Variants in GLS observed in about 807,000 individuals in gnomAD.
The protein encoded by GLS is glutaminase.
Under a neutral mutation model 86.7 loss-of-function variants are expected in GLS, and 36 were observed. The observed-to-expected ratio is 0.42, with a 90% confidence interval of 0.32 to 0.55. The LOEUF is 0.55. Among genes scored for constraint, GLS ranks in the 20% least tolerant of loss-of-function variants. The probability of loss-of-function intolerance (pLI) is 0.17; values close to 1 mark genes in which losing one functional copy is unlikely to be tolerated. For missense variants in GLS, 528 were observed against 833.4 expected, an observed-to-expected ratio of 0.63 and a Z score of 4.51; for synonymous variants, 317 against 305.9, an observed-to-expected ratio of 1.04 and a Z score of -0.38.
chr2:190,887,629 T>C (rs1688431029), intron 1 of GLS, among the ~76,000 whole-genome samples: 1 of 152,118 alleles, frequency 6.6e-6, no homozygotes, highest in Non-Finnish European at 1.5e-5. Flanking sequence ...TGGTAAACTT[T>C]CTGAAGAGCA....
rs1275429896 is a variant in GLS at position 190,938,374 on chromosome 2, G to A, written c.1650+6737G>A. On this transcript the variant is annotated intron_variant, in intron 14 of 17. Transcript: ENST00000320717. This position sits in a 1 kb window ranked among gnomAD's most constrained non-coding sequence, Gnocchi z 4.1. The stretch of plus-strand genomic sequence containing the variant: ...ATATAATGAAAATCTCCTCTGCACA[G>A]CAATTATATTTGGAATCCTGAGCTA... Among the ~76,000 whole-genome samples the A allele has an allele frequency of 6.6e-6, 1 of 151,408 alleles. No homozygotes were observed. Among genetic ancestry groups the A allele is most frequent in the African/African-American group, 2.4e-5 (1 of 41,358 alleles).
intron 1 of GLS, among the ~76,000 whole-genome samples, chr2:190,886,686 C>T (rs1188944700): frequency 1.3e-5 from 2 of 152,156 alleles, no homozygotes; most frequent in African/African-American, 2.4e-5. Context: ...GAGGCCAAAG[C>T]AGGTGGATCA....
intron 7 of GLS, among the ~76,000 whole-genome samples, chr2:190,916,543 G>T (rs756419431): frequency 2.0e-5 from 3 of 152,164 alleles, no homozygotes; most frequent in African/African-American, 4.8e-5. Flanking sequence ...TATCCTTGGG[G>T]TACATGGAGT....
At chr2:190,910,369 A>T in intron 7 of GLS, 48 bp downstream of exon 7, 1 of 889,614 alleles carries the variant, frequency 1.1e-6, no homozygotes, top group African/African-American at 1.7e-5. Context: ...TTTTTTTTTT[A>T]ACAGCTAAGG....
At chr2:190,925,917 A>C (rs1689881101) in intron 11 of GLS, among the ~76,000 whole-genome samples, 1 of 152,208 alleles carries the variant, frequency 6.6e-6, no homozygotes, top group African/African-American at 2.4e-5. Context: ...ATGATATGTG[A>C]AATTCCTTTG....
rs944906418 is a variant in GLS, at chr2:190,929,329, C to T, written c.1426-1108C>T. Reference sequence around the variant, plus strand: ...TAATTTGTTATATTTAAAAACAATACGTTTATCTTAGAACAATTAGAAAAT... The same window carrying T: ...TAATTTGTTATATTTAAAAACAATATGTTTATCTTAGAACAATTAGAAAAT... On this transcript the variant is annotated intron_variant, in intron 12 of 17. Transcript: ENST00000320717. 3.3e-5 allele frequency among the ~76,000 whole-genome samples: 5 copies of T among 151,794 alleles called. No individual in the cohort carries two copies. The East Asian group carries it at 5.8e-4, about 18-fold the overall frequency.
chr2:190,933,050 T>G, intron 14 of GLS: 1 of 1,072,902 alleles, frequency 9.3e-7, no homozygotes, highest in Non-Finnish European at 1.1e-6. Flanking sequence ...CATTTGTTGG[T>G]CTTTAAAAAG....
chr2:190,886,531 G>A (rs1360520597), intron 1 of GLS, among the ~76,000 whole-genome samples: 4 of 152,156 alleles, frequency 2.6e-5, no homozygotes, highest in Non-Finnish European at 5.9e-5. Flanking sequence ...AAAAGGGAGG[G>A]GGGGCACTAT....
intron 11 of GLS, among the ~76,000 whole-genome samples, chr2:190,925,239 C>T (rs999869605): frequency 6.6e-6 from 1 of 151,914 alleles, no homozygotes; most frequent in African/African-American, 2.4e-5. Context: ...TTTTTTAAAT[C>T]AGAGGGCTCT....
chr2:190,905,358 G>T lies in GLS; in HGVS notation c.979+191G>T. On this transcript the variant is annotated intron_variant, in intron 6 of 17. Coordinates refer to ENST00000320717, the MANE Select transcript of GLS (RefSeq NM_014905.5). The surrounding 1 kb of genome is among the most constrained non-coding windows in gnomAD (Gnocchi z 4.6). ...AGGCATCTCATACCACTGGGAAGTG[G>T]GCTAGGGAGAACATGAACTTCTCTC... 2.1e-6 allele frequency: 1 copy of T among 468,996 alleles called. No homozygotes were observed. The allele number at this position is 468,996 out of a possible 1,614,324, so 29.1% of individuals were successfully genotyped here.
At chr2:190,927,087 T>G (rs554233432) in intron 11 of GLS, 2 of 452,188 alleles carry the variant, frequency 4.4e-6, no homozygotes, top group South Asian at 3.4e-5. Flanking sequence ...GTTCTGCCAT[T>G]AAAAGACTGA....
At chr2:190,911,081 ATTTTAT>A (rs1030456526) in intron 7 of GLS, among the ~76,000 whole-genome samples, 2 of 150,896 alleles carry the variant, frequency 1.3e-5, no homozygotes, top group African/African-American at 4.8e-5. Flanking sequence ...CTAATTATAA[ATTTTAT>A]TTATATTTAA....
intron 14 of GLS, among the ~76,000 whole-genome samples, chr2:190,936,105 T>C (rs1690262108): frequency 6.6e-6 from 1 of 150,970 alleles, no homozygotes; most frequent in Admixed American, 6.6e-5. Context: ...TAATAAGGAG[T>C]TCCAGTATAA....
At chr2:190,957,736 C>G in intron 17 of GLS, among the ~76,000 whole-genome samples, 1 of 152,190 alleles carries the variant, frequency 6.6e-6, no homozygotes, top group Non-Finnish European at 1.5e-5. Context: ...TTGAACCAGC[C>G]TTGCATCCCA....
chr2:190,899,067 T>C (rs192603450), intron 3 of GLS, among the ~76,000 whole-genome samples: 318 of 152,380 alleles, frequency 2.1e-3, no homozygotes, highest in Middle Eastern at 0.01. Flanking sequence ...GTTGTAGATA[T>C]AAATACTGGT....
Position 190,924,479 on chromosome 2 carries a change from T to C in GLS, c.1198-64T>C, listed in dbSNP as rs562786777. The C allele has an allele frequency of 5.3e-5, 44 of 828,380 alleles. No homozygotes were observed. The highest frequency in any genetic ancestry group is 8.9e-5 in the Non-Finnish European group (42 of 470,548). 51.3% of individuals were successfully genotyped at this position (828,380 alleles called of 1,614,324 possible). Reference sequence around the variant, plus strand: ...TTGTGTACATTTGAAATTTTTCATATATTTCTCTACTTATGTGCATTCCTG... The same window carrying C: ...TTGTGTACATTTGAAATTTTTCATACATTTCTCTACTTATGTGCATTCCTG... On this transcript the variant is annotated intron_variant, in intron 10 of 17. Coordinates refer to ENST00000320717, the MANE Select transcript of GLS (RefSeq NM_014905.5). This position sits in a 1 kb window ranked among gnomAD's most constrained non-coding sequence, Gnocchi z 5.2.
At position 190,930,379 on chromosome 2, in the gene GLS, A is replaced by G. The variant is rs1345686833; in HGVS notation, c.1426-58A>G. On this transcript the variant is annotated intron_variant, in intron 12 of 17. Transcript: ENST00000320717. This position sits in a 1 kb window ranked among gnomAD's most constrained non-coding sequence, Gnocchi z 5.0. ...AGCCCCAGTTTCCCTATTGTTGAACATAACATTTCTTATTTTAAAATGTTT... is the reference window on the plus strand; with the variant it reads ...AGCCCCAGTTTCCCTATTGTTGAACGTAACATTTCTTATTTTAAAATGTTT... 1.5e-5 allele frequency: 20 copies of G among 1,320,614 alleles called. No homozygotes were observed. Among genetic ancestry groups the G allele is most frequent in the Non-Finnish European group, 2.0e-5 (18 of 916,354 alleles). 81.8% of individuals were successfully genotyped at this position (1,320,614 alleles called of 1,614,324 possible). A position where few individuals can be genotyped will look rare whatever the true frequency, so the allele number is the denominator to read the frequency against.
rs1442821812 is a variant in GLS, at chr2:190,953,159, A to AT, written c.1651-406_1651-405insT. Reference sequence around the variant, plus strand: ...GATAGTGATTCTTGGCAGGGATTAGACATTTATATAGCATGATTTAATTTT... The same window carrying AT: ...GATAGTGATTCTTGGCAGGGATTAGATCATTTATATAGCATGATTTAATTTT... On this transcript the variant is annotated intron_variant, in intron 14 of 17. Transcript: ENST00000320717. The surrounding 1 kb of genome is among the most constrained non-coding windows in gnomAD (Gnocchi z 4.0). Among the ~76,000 whole-genome samples, 1 of 152,230 alleles carries AT rather than the reference A, an allele frequency of 6.6e-6. No individual in the cohort carries two copies. The highest frequency in any genetic ancestry group is 1.9e-4 in the East Asian group (1 of 5,204).
At chr2:190,889,849 G>C (rs1340472793) in intron 1 of GLS, among the ~76,000 whole-genome samples, 1 of 152,184 alleles carries the variant, frequency 6.6e-6, no homozygotes, top group Admixed American at 6.5e-5. Flanking sequence ...GTGCTATAAA[G>C]TCCAGTCAAA....
Sources: gnomAD v4.1 joint callset for allele counts (sites outside exome capture counted in the v4.1 genomes callset) on GRCh38, gnomAD v4.1.1 for gene constraint, Gnocchi (gnomAD v3.1) non-coding constraint, MANE v1.5 for transcripts, NCBI Gene and HGNC (gene_info 2026-07-23, HGNC 2026-07-21) for gene names.